The following RBMS3 variants were observed in gnomAD, a reference collection of about 807,000 sequenced individuals.
The protein encoded by RBMS3 is RNA-binding motif, single-stranded-interacting protein 3.
Under a neutral mutation model 66.8 loss-of-function variants are expected in RBMS3, and 27 were observed. The ratio of observed to expected loss-of-function variants is 0.40; its 90% CI spans 0.30 to 0.56. RBMS3 has a LOEUF of 0.56. Ranked by LOEUF, RBMS3 falls within the 20% of genes least tolerant of loss-of-function variation. The pLI is 0.40. For missense variants in RBMS3, 513 were observed against 549.5 expected, an observed-to-expected ratio of 0.93 and a Z score of 0.66; for synonymous variants, 188 against 183.0, an observed-to-expected ratio of 1.03 and a Z score of -0.22.
At chr3:29,661,131 G>A (rs9818749) in intron 4 of RBMS3, among the ~76,000 whole-genome samples, 30,553 of 151,962 alleles carry the variant, frequency 0.2, 3,191 homozygotes, top group East Asian at 0.31. Context: ...GCTGGAATTT[G>A]CTGAAATTAA....
chr3:29,883,218 G>T (rs2059778754), intron 7 of RBMS3, among the ~76,000 whole-genome samples: 1 of 151,988 alleles, frequency 6.6e-6, no homozygotes, highest in Non-Finnish European at 1.5e-5. Flanking sequence ...GTTGGATATT[G>T]ATACTCAGGT....
At chr3:29,568,673 A>G (rs2046827600) in intron 3 of RBMS3, among the ~76,000 whole-genome samples, 1 of 152,176 alleles carries the variant, frequency 6.6e-6, no homozygotes, top group Non-Finnish European at 1.5e-5. Context: ...TTGAATCTAG[A>G]CTGCATGATG....
rs111795657 is a variant in RBMS3 at position 29,658,761 on chromosome 3, T to A, written c.399+71556T>A. Among the ~76,000 whole-genome samples the A allele has an allele frequency of 2.7e-3, 412 of 152,348 alleles. 1 individual carries two copies. Among genetic ancestry groups the A allele is most frequent in the African/African-American group, 9.3e-3 (385 of 41,588 alleles). On this transcript the variant is annotated intron_variant, in intron 4 of 14. Coordinates refer to ENST00000383767, the MANE Select transcript of RBMS3 (RefSeq NM_001003793.3). ...GAAGTAAGAGTAATCTGCCTCAATATTAATGAGGCTTTTTGACATTCTGAT... is the reference window on the plus strand; with the variant it reads ...GAAGTAAGAGTAATCTGCCTCAATAATAATGAGGCTTTTTGACATTCTGAT...
chr3:29,982,173 T>C (rs552126609), intron 12 of RBMS3, among the ~76,000 whole-genome samples: 52 of 152,196 alleles, frequency 3.4e-4, no homozygotes, highest in Non-Finnish European at 6.5e-4. Flanking sequence ...TGTCCAGTAG[T>C]TTATCCATTT....
At chr3:29,351,285 G>T (rs1276120008) in intron 1 of RBMS3, among the ~76,000 whole-genome samples, 1 of 152,074 alleles carries the variant, frequency 6.6e-6, no homozygotes, top group Non-Finnish European at 1.5e-5. Flanking sequence ...TCTAAGAGTT[G>T]CTGTATTACA....
chr3:29,594,686 G>A (rs2047881568), intron 4 of RBMS3, among the ~76,000 whole-genome samples: 1 of 152,058 alleles, frequency 6.6e-6, no homozygotes, highest in Non-Finnish European at 1.5e-5. Context: ...AAATATTTGT[G>A]AATATCTGCT....
At chr3:29,992,267 G>C (rs1342515169) in intron 14 of RBMS3, among the ~76,000 whole-genome samples, 2 of 152,108 alleles carry the variant, frequency 1.3e-5, no homozygotes, top group African/African-American at 2.4e-5. Context: ...TGGTACAAAA[G>C]TAATTGCGGT....
intron 10 of RBMS3, among the ~76,000 whole-genome samples, chr3:29,924,095 A>G (rs972817940): frequency 6.6e-6 from 1 of 152,232 alleles, no homozygotes; most frequent in Non-Finnish European, 1.5e-5. Flanking sequence ...ACAATTCTAT[A>G]TATACCCTGT....
At chr3:29,611,184 C>G in intron 4 of RBMS3, among the ~76,000 whole-genome samples, 1 of 151,950 alleles carries the variant, frequency 6.6e-6, no homozygotes, top group East Asian at 1.9e-4. Flanking sequence ...TGAACTTTAC[C>G]TTCTGTTAAT....
intron 3 of RBMS3, among the ~76,000 whole-genome samples, chr3:29,547,136 G>A (rs1437404068): frequency 1.3e-5 from 2 of 151,946 alleles, no homozygotes; most frequent in African/African-American, 4.8e-5. Context: ...ACCATACCTG[G>A]CTAATTTTTG....
At chr3:29,888,168 G>A (rs1490974070) in intron 8 of RBMS3, among the ~76,000 whole-genome samples, 1 of 151,344 alleles carries the variant, frequency 6.6e-6, no homozygotes, top group Non-Finnish European at 1.5e-5. Context: ...TAAACTATTT[G>A]AACAGTTGCA....
rs552775166 is a variant in RBMS3 at position 29,369,396 on chromosome 3, C to T, written c.76-65347C>T. On this transcript the variant is annotated intron_variant, in intron 1 of 14. Coordinates refer to ENST00000383767, the MANE Select transcript of RBMS3 (RefSeq NM_001003793.3). ...TTGCCATTACTTTCAATGGCAAAAA[C>T]CGCATTTACTTTTGCACCAACCTAA... Among the ~76,000 whole-genome samples the T allele has an allele frequency of 3.2e-3, 485 of 151,442 alleles. 2 individuals are homozygous for T. The highest frequency in any genetic ancestry group is 0.011 in the African/African-American group (438 of 41,292).
At chr3:29,671,649 T>C (rs139669475) in intron 4 of RBMS3, among the ~76,000 whole-genome samples, 1,612 of 152,254 alleles carry the variant, frequency 0.011, 36 homozygotes, top group African/African-American at 0.037. Context: ...CAAGCTTCAG[T>C]AGCTAATTCG....
intron 6 of RBMS3, among the ~76,000 whole-genome samples, chr3:29,798,198 T>G (rs2057262992): frequency 6.8e-6 from 1 of 146,124 alleles, no homozygotes; most frequent in Admixed American, 6.9e-5. Context: ...TAATAAAGCT[T>G]GAAATATTGT....
intron 12 of RBMS3, among the ~76,000 whole-genome samples, chr3:29,976,534 G>T (rs887979181): frequency 2.0e-5 from 3 of 152,056 alleles, no homozygotes; most frequent in African/African-American, 7.2e-5. Flanking sequence ...ACTGACAGAA[G>T]TAGAAAGAAT....
intron 12 of RBMS3, among the ~76,000 whole-genome samples, chr3:29,955,197 G>A (rs1488900453): frequency 1.3e-5 from 2 of 151,948 alleles, no homozygotes; most frequent in African/African-American, 4.8e-5. Flanking sequence ...TTCTCTGACA[G>A]AAATATTGCC....
At chr3:29,456,303 T>TAATTTGCTCTAATACAGAA (rs2042188750) in intron 2 of RBMS3, among the ~76,000 whole-genome samples, 1 of 152,180 alleles carries the variant, frequency 6.6e-6, no homozygotes, top group African/African-American at 2.4e-5. Flanking sequence ...TTAAAACATG[T>TAATTTGCTCTAATACAGAA]GTTTTCCACT....
intron 1 of RBMS3, among the ~76,000 whole-genome samples, chr3:29,387,698 C>T (rs1228649177): frequency 2.0e-5 from 3 of 151,902 alleles, no homozygotes; most frequent in African/African-American, 7.3e-5. Context: ...GTCAGGAGAT[C>T]CAGACCATCC....
At chr3:29,571,868 T>A (rs1311487465) in intron 3 of RBMS3, among the ~76,000 whole-genome samples, 1 of 152,200 alleles carries the variant, frequency 6.6e-6, no homozygotes, top group African/African-American at 2.4e-5. Flanking sequence ...TTGGATAGTA[T>A]GCACATTTTA....
Sources: gnomAD v4.1 joint callset for allele counts (sites outside exome capture counted in the v4.1 genomes callset) on GRCh38, gnomAD v4.1.1 for gene constraint, MANE v1.5 for transcripts, NCBI Gene and HGNC (gene_info 2026-07-23, HGNC 2026-07-21) for gene names.